FYB2: variants seen among roughly 807,000 people sequenced by gnomAD.
FYB2 encodes FYN-binding protein 2.
A neutral mutation model predicts 94.1 loss-of-function variants in FYB2; 103 were observed. The observed-to-expected ratio is 1.09, with a 90% CI of 0.93 to 1.29. The LOEUF (loss-of-function observed/expected upper bound fraction) is 1.29, where lower values mean the gene tolerates loss of function less well. FYB2 is among the 50% of genes most tolerant of loss of function. The probability of loss-of-function intolerance (pLI) is 0.00; values close to 1 mark genes in which losing one functional copy is unlikely to be tolerated. For missense variants in FYB2, 896 were observed against 841.5 expected (o/e 1.06, Z -0.80); for synonymous variants, 293 against 287.9 (o/e 1.02, Z -0.18).
intron 15 of FYB2, among the ~76,000 whole-genome samples, chr1:56,731,583 T>C (rs75327084): frequency 2.6e-5 from 4 of 152,166 alleles, no homozygotes; most frequent in African/African-American, 9.6e-5. Context: ...GGCTTCATCA[T>C]GTGAAGCCGG....
chr1:56,748,427 G>T (rs1303572025), intron 9 of FYB2, among the ~76,000 whole-genome samples: 1 of 151,946 alleles, frequency 6.6e-6, no homozygotes, highest in African/African-American at 2.4e-5. Flanking sequence ...TTTTATGTAA[G>T]GTGTGAGGAA....
intron 8 of FYB2, among the ~76,000 whole-genome samples, chr1:56,752,806 G>C (rs1204008591): frequency 6.6e-6 from 1 of 152,060 alleles, no homozygotes; most frequent in Non-Finnish European, 1.5e-5. Flanking sequence ...CACATAGCCA[G>C]CATTGAAAAA....
chr1:56,749,126 T>C (rs1302765893), intron 9 of FYB2, among the ~76,000 whole-genome samples: 1 of 151,826 alleles, frequency 6.6e-6, no homozygotes, highest in Non-Finnish European at 1.5e-5. Flanking sequence ...TATTCTCTTA[T>C]TCTTTAATGT....
chr1:56,823,194 C>A (rs551639629), upstream of FYB2, among the ~76,000 whole-genome samples: 13 of 152,096 alleles, frequency 8.5e-5, no homozygotes, highest in African/African-American at 2.7e-4. Context: ...CCTGGCCATG[C>A]GGAGAGTACA....
chr1:56,745,373 A>T (rs1645044913), intron 9 of FYB2, among the ~76,000 whole-genome samples: 1 of 152,032 alleles, frequency 6.6e-6, no homozygotes, highest in Admixed American at 6.6e-5. Flanking sequence ...CCAAACCAAA[A>T]TCATAATTTC....
chr1:56,800,869 C>T (rs1368505574), intron 1 of FYB2, among the ~76,000 whole-genome samples: 24 of 152,134 alleles, frequency 1.6e-4, no homozygotes, highest in Admixed American at 1.6e-3. Flanking sequence ...CCTCAATACC[C>T]CATGCATTAC....
intron 13 of FYB2, among the ~76,000 whole-genome samples, chr1:56,739,041 G>C (rs903173709): frequency 3.9e-5 from 6 of 152,064 alleles, no homozygotes; most frequent in African/African-American, 1.4e-4. Context: ...GGCAGAGTCT[G>C]AGATCTATAG....
At chr1:56,762,815 C>CGG (rs1271042367) in intron 5 of FYB2, among the ~76,000 whole-genome samples, 3 of 152,118 alleles carry the variant, frequency 2.0e-5, no homozygotes, top group Non-Finnish European at 4.4e-5. Flanking sequence ...GCCTTGTTAC[C>CGG]GGTAGTAGGG....
the FYB2 span, chr1:56,825,171 A>T: frequency 1.3e-5 from 2 of 152,238 alleles, no homozygotes; most frequent in Non-Finnish European, 2.9e-5. Flanking sequence ...GTAGAATTGA[A>T]TGACCTCATT....
chr1:56,782,314 C>T (rs1222187564), intron 4 of FYB2, among the ~76,000 whole-genome samples: 1 of 152,074 alleles, frequency 6.6e-6, no homozygotes, highest in Non-Finnish European at 1.5e-5. Context: ...TATCCTAATA[C>T]TCTTAAATTT....
chr1:56,821,018 G>A (rs1646984649), upstream of FYB2, among the ~76,000 whole-genome samples: 1 of 151,720 alleles, frequency 6.6e-6, no homozygotes. Flanking sequence ...AGTCAGTTGG[G>A]GGGCCTATTT....
chr1:56,818,679 A>C (rs1371578075), intron 1 of FYB2, among the ~76,000 whole-genome samples: 1 of 152,142 alleles, frequency 6.6e-6, no homozygotes, highest in Non-Finnish European at 1.5e-5. Context: ...TTTTCCATAC[A>C]TCTCTATTTA....
At chr1:56,731,236 G>A (rs1020462687) in intron 15 of FYB2, among the ~76,000 whole-genome samples, 1 of 152,166 alleles carries the variant, frequency 6.6e-6, no homozygotes, top group African/African-American at 2.4e-5. Context: ...AAAGATCGCT[G>A]GCTTGGGGGC....
intron 4 of FYB2, among the ~76,000 whole-genome samples, chr1:56,785,766 A>T (rs986941408): frequency 1.3e-5 from 2 of 152,134 alleles, no homozygotes; most frequent in African/African-American, 4.8e-5. Flanking sequence ...GTCCCTTCCC[A>T]TGCTGTGCTG....
chr1:56,798,059 C>A (rs776510607), intron 1 of FYB2, among the ~76,000 whole-genome samples: 14 of 152,244 alleles, frequency 9.2e-5, no homozygotes, highest in Non-Finnish European at 1.3e-4. Context: ...ATGTTGGTAT[C>A]CCCAGCAGTG....
chr1:56,757,918 TACC>T (rs1380997256), intron 6 of FYB2, among the ~76,000 whole-genome samples: 1 of 146,784 alleles, frequency 6.8e-6, no homozygotes, highest in African/African-American at 2.6e-5. Flanking sequence ...TACAGGCATA[TACC>T]ACCACTCCTG....
intron 1 of FYB2, among the ~76,000 whole-genome samples, chr1:56,797,096 C>T (rs1646418331): frequency 6.6e-6 from 1 of 152,034 alleles, no homozygotes; most frequent in Admixed American, 6.6e-5. Context: ...AAGCAGGTTT[C>T]CTAGAGGAGA....
chr1:56,746,747 T>C (rs1007273123), intron 9 of FYB2, among the ~76,000 whole-genome samples: 1 of 152,062 alleles, frequency 6.6e-6, no homozygotes, highest in Non-Finnish European at 1.5e-5. Flanking sequence ...CAAAAAGTTT[T>C]GCTATAAGCA....
In FYB2 at chr1:56,792,464, C is replaced by T; in HGVS notation, c.349G>A (p.Val117Met). The stretch of plus-strand genomic sequence containing the variant: ...ATTATCTCAACATTTGATTGAGTCA[C>T]CTCTAACAGCAGAGAAGCCTTCTGT... ...SSQKASLLLE[V>M]TQSNVEIITK... Residue 117 changes from valine to methionine, a missense_variant, in exon 2 of 20, where the codon GTG (valine) becomes ATG (methionine). Physicochemically the swap from Val to Met is conservative, Grantham distance 21. Transcript: ENST00000343433. 1 of 1,614,196 alleles carries T rather than the reference C, an allele frequency of 6.2e-7. No homozygotes were observed.
Sources: allele counts gnomAD v4.1 joint callset (sites outside exome capture counted in the v4.1 genomes callset), GRCh38; gene constraint gnomAD v4.1.1; transcripts MANE v1.5; gene names NCBI Gene and HGNC (gene_info 2026-07-23, HGNC 2026-07-21).